The following GRIN2A variants were observed in gnomAD, a reference collection of about 807,000 sequenced individuals.
GRIN2A encodes glutamate ionotropic receptor NMDA type subunit 2A.
In GRIN2A, 22 loss-of-function variants were observed where a neutral mutation model predicts 113.4. The ratio of observed to expected loss-of-function variants is 0.19; its 90% CI spans 0.14 to 0.28. GRIN2A has a LOEUF of 0.28. Among genes scored for constraint, GRIN2A ranks in the 10% least tolerant of loss-of-function variants. GRIN2A has a pLI of 1.00. For synonymous variants in GRIN2A, 827 were observed against 738.4 expected (o/e 1.12, Z -1.94); for missense variants, 1,502 against 1,887.0 (o/e 0.80, Z 3.78).
intron 2 of GRIN2A, among the ~76,000 whole-genome samples, chr16:10,119,571 T>A (rs1050185907): frequency 6.6e-6 from 1 of 152,166 alleles, no homozygotes; most frequent in Non-Finnish European, 1.5e-5. Context: ...AGGGAAAGAT[T>A]ATTTTTTAAC....
chr16:9,878,774 G>GCTGTTGAACTGCTCTCTGCAGGAGAGCGC (rs2043420768), intron 4 of GRIN2A, among the ~76,000 whole-genome samples: 1 of 151,934 alleles, frequency 6.6e-6, no homozygotes, highest in Non-Finnish European at 1.5e-5. Flanking sequence ...CTGTTCAACT[G>GCTGTTGAACTGCTCTCTGCAGGAGAGCGC]CTGTTCTTTT....
chr16:9,960,406 T>C (rs964689389), intron 2 of GRIN2A, among the ~76,000 whole-genome samples: 10 of 152,228 alleles, frequency 6.6e-5, no homozygotes, highest in African/African-American at 2.2e-4. Context: ...TCTTGGGTTG[T>C]AGCATATGGA....
chr16:9,946,352 C>T (rs2045017223), intron 2 of GRIN2A, among the ~76,000 whole-genome samples: 1 of 152,198 alleles, frequency 6.6e-6, no homozygotes, highest in Non-Finnish European at 1.5e-5. Flanking sequence ...AGAGGGAAAT[C>T]CTACTGGACC....
At chr16:10,117,242 C>T (rs2048744756) in intron 2 of GRIN2A, among the ~76,000 whole-genome samples, 1 of 152,150 alleles carries the variant, frequency 6.6e-6, no homozygotes, top group Non-Finnish European at 1.5e-5. Context: ...ATTTTATTCC[C>T]TACATCTTTT....
chr16:10,180,716 T>C lies in GRIN2A; in HGVS notation c.-18-287A>G. The C allele has an allele frequency of 1.8e-6, 1 of 547,642 alleles. No individual in the cohort carries two copies. Among genetic ancestry groups the C allele is most frequent in the Non-Finnish European group, 3.3e-6 (1 of 304,762 alleles). 33.9% of individuals were successfully genotyped at this position (547,642 alleles called of 1,614,324 possible). On this transcript the variant is annotated intron_variant, in intron 1 of 12. Transcript: ENST00000330684. This position sits in a 1 kb window ranked among gnomAD's most constrained non-coding sequence, Gnocchi z 7.0. ...AGGCACTTCCCCATCCCCATCTCTG[T>C]CCATATCCCCCACCGCATTCCCCAA... is the stretch of plus-strand genomic sequence containing the variant.
chr16:9,855,012 G>C (rs1162821030), intron 4 of GRIN2A, among the ~76,000 whole-genome samples: 1 of 152,018 alleles, frequency 6.6e-6, no homozygotes, highest in Non-Finnish European at 1.5e-5. Context: ...GTGTGTGTGT[G>C]TGTGTGTGTG....
chr16:10,033,389 G>C (rs766059213), intron 2 of GRIN2A, among the ~76,000 whole-genome samples: 1 of 152,196 alleles, frequency 6.6e-6, no homozygotes, highest in East Asian at 1.9e-4. Context: ...AGAGCCTGGA[G>C]GGGTAGACAG....
chr16:9,863,255 T>C (rs2043102054), intron 4 of GRIN2A, among the ~76,000 whole-genome samples: 1 of 152,198 alleles, frequency 6.6e-6, no homozygotes, highest in Admixed American at 6.5e-5. Context: ...ATTAGCACCA[T>C]GCAGCACAGT....
In GRIN2A at chr16:9,937,847, A is replaced by G. The variant is rs976000615; in HGVS notation, c.1007+112T>C. On this transcript the variant is annotated intron_variant, in intron 3 of 12. Transcript: ENST00000330684. ...AAATAAAAGTCCCGTAAGTAAACAC[A>G]TAACATTCTGCATTTTCAGTGCGTA... 7 of 774,858 alleles carry G rather than the reference A, an allele frequency of 9.0e-6. 1 individual carries two copies. Among genetic ancestry groups the G allele is most frequent in the South Asian group, 8.9e-5 (6 of 67,618 alleles). The allele number at this position is 774,858 out of a possible 1,614,324, so 48.0% of individuals were successfully genotyped here.
At position 10,135,317 on chromosome 16, in the gene GRIN2A, C is replaced by A. The variant is rs7195798; in HGVS notation, c.414+44681G>T. 2.5e-3 allele frequency among the ~76,000 whole-genome samples: 379 copies of A among 152,300 alleles called. 2 individuals carry two copies. The highest frequency in any genetic ancestry group is 8.6e-3 in the African/African-American group (358 of 41,552). Reference sequence around the variant, plus strand: ...AATGCTTTTAACGTCCATATTTCCACCAAAAGTCTGTTCATGATGATTTAG... The same window carrying A: ...AATGCTTTTAACGTCCATATTTCCAACAAAAGTCTGTTCATGATGATTTAG... On this transcript the variant is annotated intron_variant, in intron 2 of 12. Coordinates refer to ENST00000330684, the MANE Select transcript of GRIN2A (RefSeq NM_001134407.3).
intron 4 of GRIN2A, among the ~76,000 whole-genome samples, chr16:9,876,106 G>T (rs2043360378): frequency 6.6e-6 from 1 of 152,020 alleles, no homozygotes; most frequent in African/African-American, 2.4e-5. Flanking sequence ...AGGCTGCCCT[G>T]CCACACCACA....
At position 9,764,047 on chromosome 16, in the gene GRIN2A, G is replaced by A. The variant is rs2141131622; in HGVS notation, c.3497C>T (p.Pro1166Leu). ...ENFRKGDSTL[P>L]MNRNPLHNEE... is the part of the protein sequence containing the mutation. ...ATTATGCAAGGGGTTCCGGTTCATT[G>A]GCAGCGTGGAGTCCCCCTTGCGGAA... Residue 1166 changes from proline (P) to leucine (L), a missense_variant, in exon 13 of 13, where the codon CCA (proline) becomes CTA (leucine). By Grantham distance (98) the Pro-to-Leu change is moderately conservative (BLOSUM62 -3). Transcript: ENST00000330684. 1 of 1,613,846 alleles carries A rather than the reference G, an allele frequency of 6.2e-7. No homozygotes were observed. The highest frequency in any genetic ancestry group is 8.5e-7 in the Non-Finnish European group (1 of 1,179,818).
chr16:10,029,986 G>C (rs11642181), intron 2 of GRIN2A, among the ~76,000 whole-genome samples: 46,323 of 151,824 alleles, frequency 0.31, 8,126 homozygotes, highest in Non-Finnish European at 0.39. Context: ...CACAGAGTGA[G>C]ACTCTGTCTC....
intron 2 of GRIN2A, among the ~76,000 whole-genome samples, chr16:10,137,767 G>C (rs988814724): frequency 6.6e-6 from 1 of 152,332 alleles, no homozygotes; most frequent in Non-Finnish European, 1.5e-5. Context: ...TTAAATGAGA[G>C]AGTGTGACAT....
At chr16:10,038,537 A>G (rs1012780215) in intron 2 of GRIN2A, among the ~76,000 whole-genome samples, 4 of 151,968 alleles carry the variant, frequency 2.6e-5, no homozygotes, top group African/African-American at 9.7e-5. Flanking sequence ...CCCAGTTTGG[A>G]CAACAGAAAA....
chr16:9,794,714 A>G (rs1902860962), intron 11 of GRIN2A: 1 of 152,224 alleles, frequency 6.6e-6, no homozygotes, highest in South Asian at 2.1e-4. Flanking sequence ...ATGAGAACCT[A>G]GATGTTCTGT....
intron 2 of GRIN2A, among the ~76,000 whole-genome samples, chr16:10,070,158 C>G (rs561384693): frequency 2.6e-5 from 4 of 152,218 alleles, no homozygotes; most frequent in African/African-American, 4.8e-5. Flanking sequence ...CGGGGAAGTC[C>G]TGGAGCCCTT....
At chr16:9,862,924 T>C (rs1438126246) in intron 4 of GRIN2A, among the ~76,000 whole-genome samples, 1 of 152,212 alleles carries the variant, frequency 6.6e-6, no homozygotes, top group Non-Finnish European at 1.5e-5. Context: ...TTAACGAGTA[T>C]AATTGTTGGC....
chr16:10,002,285 G>A (rs1049701405), intron 2 of GRIN2A, among the ~76,000 whole-genome samples: 1 of 152,146 alleles, frequency 6.6e-6, no homozygotes, highest in African/African-American at 2.4e-5. Flanking sequence ...GAAATACAAT[G>A]GAAATCAAGT....
Sources: allele counts gnomAD v4.1 joint callset (sites outside exome capture counted in the v4.1 genomes callset), GRCh38; gene constraint gnomAD v4.1.1; non-coding constraint Gnocchi (gnomAD v3.1); transcripts MANE v1.5; gene names NCBI Gene and HGNC (gene_info 2026-07-23, HGNC 2026-07-21).